Variants in RASGRP1 observed in about 807,000 individuals in gnomAD.
RASGRP1 encodes the protein RAS guanyl-releasing protein 1.
RASGRP1 carries 37 observed loss-of-function variants against 95.1 expected under a neutral mutation model. That is an observed-to-expected ratio of 0.39 (90% CI 0.30 to 0.51). The LOEUF (loss-of-function observed/expected upper bound fraction) is 0.51, where lower values mean the gene tolerates loss of function less well. Among genes scored for constraint, RASGRP1 ranks in the 20% least tolerant of loss-of-function variants. The pLI is 0.80. For synonymous variants in RASGRP1, 325 were observed against 353.4 expected (o/e 0.92, Z 0.90); for missense variants, 711 against 965.4 (o/e 0.74, Z 3.49).
intron 2 of RASGRP1, among the ~76,000 whole-genome samples, chr15:38,552,711 T>G (rs1390701465): frequency 6.6e-6 from 1 of 152,246 alleles, no homozygotes; most frequent in African/African-American, 2.4e-5. Flanking sequence ...TATAATTTAA[T>G]TGTAAGCATA....
intron 8 of RASGRP1, among the ~76,000 whole-genome samples, chr15:38,510,069 A>C (rs1891440750): frequency 6.6e-6 from 1 of 152,150 alleles, no homozygotes; most frequent in African/African-American, 2.4e-5. Flanking sequence ...AAAAATGATA[A>C]AGATATTTTT....
intron 3 of RASGRP1, 33 bp from the exon 4 acceptor site, chr15:38,519,404 T>C (rs770242669): frequency 4.1e-5 from 59 of 1,448,558 alleles, no homozygotes; most frequent in Non-Finnish European, 5.4e-5. Context: ...TGGAGACCTC[T>C]GTTACAGAAA....
chr15:38,558,508 C>G (rs572259153), intron 2 of RASGRP1, among the ~76,000 whole-genome samples: 2 of 152,194 alleles, frequency 1.3e-5, no homozygotes, highest in Non-Finnish European at 2.9e-5. Context: ...CAATGATTCG[C>G]GAAGTGCGCT....
chr15:38,499,043 A>G (rs757895606), intron 14 of RASGRP1, 97 bp from the exon 15 acceptor site: 1 of 1,483,268 alleles, frequency 6.7e-7, no homozygotes. Context: ...CTTGTCACAC[A>G]TGTCTGTTCT....
intron 2 of RASGRP1, among the ~76,000 whole-genome samples, chr15:38,544,519 A>G (rs999358395): frequency 6.6e-6 from 1 of 152,210 alleles, no homozygotes; most frequent in Non-Finnish European, 1.5e-5. Flanking sequence ...GATTAACTCC[A>G]TATCTTGGGA....
chr15:38,507,409 A>ATT (rs1167754835), intron 9 of RASGRP1, among the ~76,000 whole-genome samples: 3 of 152,094 alleles, frequency 2.0e-5, no homozygotes, highest in African/African-American at 7.2e-5. Context: ...TTGTATCCTG[A>ATT]TTTGCCATCA....
chr15:38,538,235 G>C (rs1206518682), intron 2 of RASGRP1, among the ~76,000 whole-genome samples: 1 of 152,194 alleles, frequency 6.6e-6, no homozygotes, highest in Non-Finnish European at 1.5e-5. Flanking sequence ...CTGCACTCTA[G>C]CCTGGGGGAT....
chr15:38,535,503 A>C (rs982594659), intron 2 of RASGRP1, among the ~76,000 whole-genome samples: 1 of 152,196 alleles, frequency 6.6e-6, no homozygotes, highest in Non-Finnish European at 1.5e-5. Flanking sequence ...TATTATTGGC[A>C]CCATTTACTC....
rs1892591540 is a variant in RASGRP1, at chr15:38,535,094, G to GTA, written c.221-8691_221-8690insTA. The stretch of plus-strand genomic sequence containing the variant: ...ACAGCTTCACTTGTGTTGAACATTT[G>GTA]CATTGTACAGCAGCTCAATGCAGCA... On this transcript the variant is annotated intron_variant, in intron 2 of 16. Coordinates refer to ENST00000310803, the MANE Select transcript of RASGRP1 (RefSeq NM_005739.4). 1.4e-4 allele frequency among the ~76,000 whole-genome samples: 21 copies of GTA among 152,300 alleles called. No individual in the cohort carries two copies. The South Asian group carries it at 4.4e-3, about 32-fold the overall frequency.
At chr15:38,532,789 T>C (rs1266375332) in intron 2 of RASGRP1, among the ~76,000 whole-genome samples, 1 of 152,176 alleles carries the variant, frequency 6.6e-6, no homozygotes. Flanking sequence ...CTGTCCTAGG[T>C]ACTAAAGGAG....
In RASGRP1 at chr15:38,525,464, G is replaced by A. The variant is rs190453531; in HGVS notation, c.326+835C>T. Among the ~76,000 whole-genome samples, 10 of 152,230 alleles carry A rather than the reference G, an allele frequency of 6.6e-5. No homozygotes were observed. In the East Asian group the frequency reaches 1.2e-3, roughly 18 times the overall value. On this transcript the variant is annotated intron_variant, in intron 3 of 16. Coordinates refer to ENST00000310803, the MANE Select transcript of RASGRP1 (RefSeq NM_005739.4). ...CACCTCTTATTTATGTGCACTTCTC[G>A]CAATGCTCCCCCACTTTGTGTGCTA...
chr15:38,499,023 G>A (rs1890906761), intron 14 of RASGRP1, 77 bp from the exon 15 acceptor site: 1 of 1,576,712 alleles, frequency 6.3e-7, no homozygotes, highest in East Asian at 2.2e-5. Context: ...CCAAATTCAT[G>A]CAGTGCTTTC....
At chr15:38,505,152 C>T (rs953040539) in intron 10 of RASGRP1, among the ~76,000 whole-genome samples, 4 of 152,186 alleles carry the variant, frequency 2.6e-5, no homozygotes, top group Non-Finnish European at 5.9e-5. Flanking sequence ...GTGGGCAACT[C>T]TCTTCCCTTG....
rs946033068 is a variant in RASGRP1, at chr15:38,559,740, T to C, written c.220+81A>G. The C allele has an allele frequency of 4.3e-6, 6 of 1,388,942 alleles. No individual in the cohort carries two copies. In the South Asian group the frequency reaches 6.8e-5, roughly 16 times the overall value. 86.0% of individuals were successfully genotyped at this position (1,388,942 alleles called of 1,614,324 possible). A position where few individuals can be genotyped will look rare whatever the true frequency, so the allele number is the denominator to read the frequency against. ...TTTTAAAGCCAAAATACAATCTAGA[T>C]TGCTGTTCCGTAAAGCACTTTTAAA... is the stretch of plus-strand genomic sequence containing the variant. On this transcript the variant is annotated intron_variant, in intron 2 of 16. Transcript: ENST00000310803.
chr15:38,518,509 C>T, intron 4 of RASGRP1, 86 bp from the exon 5 acceptor site: 1 of 1,382,464 alleles, frequency 7.2e-7, no homozygotes, highest in South Asian at 1.3e-5. Flanking sequence ...TTTACTGCCA[C>T]AAAGAGAACT....
At position 38,512,722 on chromosome 15, in the gene RASGRP1, G is replaced by A. The variant is rs1314373835; in HGVS notation, c.849+61C>T. The stretch of plus-strand genomic sequence containing the variant: ...CTCTAATTAATAGACTAAGCTGGAG[G>A]AAAAGGGGATAGAAAGTTTACCTTA... On this transcript the variant is annotated intron_variant, in intron 7 of 16. Coordinates refer to ENST00000310803, the MANE Select transcript of RASGRP1 (RefSeq NM_005739.4). 3 of 1,592,042 alleles carry A rather than the reference G, an allele frequency of 1.9e-6. No individual in the cohort carries two copies. The East Asian group carries it at 6.7e-5, about 36-fold the overall frequency.
Position 38,516,318 on chromosome 15 carries a change from T to G in RASGRP1, c.554A>C (p.Gln185Pro). ...CTTGCTGGTATTTGATTTTATCCTT[T>G]GAGTAAGTTTCCTGGACCAGTCACG... Reference protein sequence around the residue: ...NARDWSRKLTQRIKSNTSKKR... With the variant: ...NARDWSRKLTPRIKSNTSKKR... The change falls in exon 6 of 17, where the codon CAA becomes CCA. Residue 185 changes from glutamine to proline, a missense_variant. Gln to Pro is a moderately conservative substitution (Grantham distance 76). Around this residue, in one of 3 missense-constraint regions of RASGRP1, gnomAD observed 491 missense variants for 676.6 expected, o/e 0.73. Coordinates refer to ENST00000310803, the MANE Select transcript of RASGRP1 (RefSeq NM_005739.4). The G allele has an allele frequency of 6.2e-7, 1 of 1,610,748 alleles. No individual in the cohort carries two copies. The highest frequency in any genetic ancestry group is 8.5e-7 in the Non-Finnish European group (1 of 1,177,002).
At chr15:38,496,511 G>T (rs1407162931) in intron 15 of RASGRP1, among the ~76,000 whole-genome samples, 3 of 152,298 alleles carry the variant, frequency 2.0e-5, no homozygotes, top group Non-Finnish European at 2.9e-5. Context: ...TGACAGAATT[G>T]TGGTGCCCTA....
At chr15:38,547,194 T>G (rs1893136625) in intron 2 of RASGRP1, among the ~76,000 whole-genome samples, 1 of 152,206 alleles carries the variant, frequency 6.6e-6, no homozygotes, top group South Asian at 2.1e-4. Context: ...TATTTGCCCA[T>G]CTAACATTTA....
Sources: gnomAD v4.1 joint callset for allele counts (sites outside exome capture counted in the v4.1 genomes callset) on GRCh38, gnomAD v4.1.1 for gene constraint, gnomAD v4.1.1 regional missense constraint, MANE v1.5 for transcripts, NCBI Gene and HGNC (gene_info 2026-07-23, HGNC 2026-07-21) for gene names.